Variants in UTS2 observed in about 807,000 individuals in gnomAD.
UTS2 encodes the protein urotensin 2.
In UTS2, 10 loss-of-function variants were observed where a neutral mutation model predicts 12.6. The ratio of observed to expected loss-of-function variants is 0.80; its 90% CI spans 0.49 to 1.35. The LOEUF is 1.35. Among genes scored for constraint, UTS2 ranks in the 40% most tolerant of loss-of-function variants. UTS2 has a pLI of 0.00. For missense variants in UTS2, 142 were observed against 143.2 expected, an observed-to-expected ratio of 0.99 and a Z score of 0.04; for synonymous variants, 52 against 50.0, an observed-to-expected ratio of 1.04 and a Z score of -0.17.
In UTS2 at chr1:7,852,969, AT is replaced by A. The variant is rs1290473844; in HGVS notation, c.34del (p.Ile12Ter). 1 of 1,612,848 alleles carries A rather than the reference AT, an allele frequency of 6.2e-7. No individual in the cohort carries two copies. The highest frequency in any genetic ancestry group is 8.5e-7 in the Non-Finnish European group (1 of 1,179,472). ...AGATAAGAGAGGATTTAAGAATCCT[AT>A]GAAAAGCAAACAGCAGGAGGCCAGC... is the stretch of plus-strand genomic sequence containing the variant. ...YKLASCCLLF[I>X]GFLNPLLSLP... On this transcript the variant is annotated frameshift_variant, in exon 1 of 4. Transcript: ENST00000361696. LOFTEE classifies it high-confidence loss of function.
At chr1:7,890,610 A>T in the UTS2 span, among the ~76,000 whole-genome samples, 1 of 152,040 alleles carries the variant, frequency 6.6e-6, no homozygotes, top group Non-Finnish European at 1.5e-5. Flanking sequence ...AAACATTGAC[A>T]TAGAAAGATG....
chr1:7,852,636 CCAAAA>C (rs753342916), intron 1 of UTS2, among the ~76,000 whole-genome samples: 8 of 151,742 alleles, frequency 5.3e-5, no homozygotes, highest in Non-Finnish European at 1.2e-4. Flanking sequence ...TATATATTAC[CCAAAA>C]CAAGAGTACA....
chr1:7,884,561 G>T, the UTS2 span, among the ~76,000 whole-genome samples: 2 of 151,918 alleles, frequency 1.3e-5, no homozygotes, highest in African/African-American at 4.8e-5. Flanking sequence ...CTCCCATCTT[G>T]GTCTCCCAAA....
the UTS2 span, among the ~76,000 whole-genome samples, chr1:7,863,936 C>T: frequency 4.7e-4 from 72 of 152,324 alleles, no homozygotes; most frequent in Non-Finnish European, 8.5e-4. Context: ...GACAGCGGGG[C>T]CTCCCTCTCC....
chr1:7,867,176 A>C, the UTS2 span, among the ~76,000 whole-genome samples: 2 of 152,064 alleles, frequency 1.3e-5, no homozygotes, highest in African/African-American at 4.8e-5. Context: ...GGCCCAAATT[A>C]AGCAAGTTTA....
At chr1:7,849,408 A>G (rs564595964) in intron 3 of UTS2, among the ~76,000 whole-genome samples, 34 of 151,934 alleles carry the variant, frequency 2.2e-4, no homozygotes, top group Non-Finnish European at 3.5e-4. Flanking sequence ...ACAGGGTTTC[A>G]CCATGTTGGC....
At chr1:7,913,024 G>T in the UTS2 span, among the ~76,000 whole-genome samples, 2 of 146,072 alleles carry the variant, frequency 1.4e-5, no homozygotes, top group African/African-American at 2.6e-5. Context: ...TAGAGGGCAA[G>T]TTCCTCTAAC....
At chr1:7,877,279 C>T in the UTS2 span, among the ~76,000 whole-genome samples, 1 of 151,972 alleles carries the variant, frequency 6.6e-6, no homozygotes, top group Non-Finnish European at 1.5e-5. Flanking sequence ...CTACCAAATG[C>T]CTGGAAAAGA....
chr1:7,851,180 A>G (rs1405586305), intron 1 of UTS2, among the ~76,000 whole-genome samples: 1 of 152,204 alleles, frequency 6.6e-6, no homozygotes, highest in Non-Finnish European at 1.5e-5. Flanking sequence ...GCTGCCTCGA[A>G]CAAGAGCTGA....
At chr1:7,912,156 A>G in the UTS2 span, among the ~76,000 whole-genome samples, 1 of 152,104 alleles carries the variant, frequency 6.6e-6, no homozygotes, top group Non-Finnish European at 1.5e-5. Flanking sequence ...ATTCTTCAAG[A>G]TAGATCCCTA....
chr1:7,889,616 C>A, the UTS2 span, among the ~76,000 whole-genome samples: 3 of 151,332 alleles, frequency 2.0e-5, no homozygotes, highest in East Asian at 5.8e-4. Context: ...ACCAGCCTGG[C>A]CAACATGGCA....
the UTS2 span, among the ~76,000 whole-genome samples, chr1:7,888,429 T>C: frequency 6.6e-6 from 1 of 151,338 alleles, no homozygotes; most frequent in East Asian, 2.0e-4. Flanking sequence ...CTCTGATGCG[T>C]CATCTGTGAG....
chr1:7,848,583 C>T (rs2097410308), intron 3 of UTS2, among the ~76,000 whole-genome samples: 2 of 151,920 alleles, frequency 1.3e-5, no homozygotes, highest in South Asian at 2.1e-4. Context: ...TGAAGTAGTG[C>T]GATCTCCTCT....
chr1:7,906,476 A>AAAGAAAGAAAGAAAGT, the UTS2 span, among the ~76,000 whole-genome samples: 1 of 147,678 alleles, frequency 6.8e-6, no homozygotes, highest in Non-Finnish European at 1.5e-5. Context: ...AGAAAGAAAG[A>AAAGAAAGAAAGAAAGT]AAGAAAGAAA....
chr1:7,896,661 T>G, the UTS2 span, among the ~76,000 whole-genome samples: 2 of 152,116 alleles, frequency 1.3e-5, no homozygotes, highest in Non-Finnish European at 2.9e-5. Flanking sequence ...AATTTTTCTT[T>G]GACAATTAGG....
At chr1:7,853,721 T>C (rs1461799799), upstream of UTS2, among the ~76,000 whole-genome samples, 3 of 152,218 alleles carry the variant, frequency 2.0e-5, no homozygotes, top group Non-Finnish European at 4.4e-5. Context: ...GAAAACTCGC[T>C]GATAAACATT....
chr1:7,877,177 T>C, the UTS2 span, among the ~76,000 whole-genome samples: 2 of 121,114 alleles, frequency 1.7e-5, no homozygotes, highest in African/African-American at 6.4e-5. Context: ...ACAAGAAACA[T>C]GAAAAATCAA....
chr1:7,884,939 A>T, the UTS2 span, among the ~76,000 whole-genome samples: 1 of 146,096 alleles, frequency 6.8e-6, no homozygotes, highest in Non-Finnish European at 1.5e-5. Context: ...CTCACCTATC[A>T]TTCATCCATC....
chr1:7,856,461 C>T (rs1638310514), upstream of UTS2, among the ~76,000 whole-genome samples: 2 of 152,198 alleles, frequency 1.3e-5, no homozygotes, highest in Admixed American at 1.3e-4. Flanking sequence ...ACAGGGCAGC[C>T]ATCCGTTCAG....
Sources: gnomAD v4.1 joint callset for allele counts (sites outside exome capture counted in the v4.1 genomes callset) on GRCh38, gnomAD v4.1.1 for gene constraint, MANE v1.5 for transcripts, NCBI Gene and HGNC (gene_info 2026-07-23, HGNC 2026-07-21) for gene names.